Variants in CSMD1 observed in about 807,000 individuals in gnomAD.
CSMD1 encodes the protein CUB and sushi domain-containing protein 1.
In CSMD1, 213 loss-of-function variants were observed where a neutral mutation model predicts 417.5. The observed-to-expected ratio is 0.51, with a 90% CI of 0.46 to 0.57. The LOEUF (loss-of-function observed/expected upper bound fraction) is 0.57, where lower values mean the gene tolerates loss of function less well. Ranked by LOEUF, CSMD1 falls within the 20% of genes least tolerant of loss-of-function variation. The pLI, the probability that CSMD1 is intolerant of heterozygous loss-of-function variation, is 0.00. For synonymous variants in CSMD1, 2,862 were observed against 1,736.8 expected (o/e 1.65, Z -16.11); for missense variants, 6,923 against 4,529.7 (o/e 1.53, Z -15.17).
intron 3 of CSMD1, among the ~76,000 whole-genome samples, chr8:4,343,015 T>G (rs1056831771): frequency 3.3e-5 from 5 of 152,120 alleles, no homozygotes; most frequent in Admixed American, 6.6e-5. Flanking sequence ...TGCACCTGAC[T>G]TGTGCCTCCT....
At chr8:3,024,076 G>C (rs1280354422) in intron 51 of CSMD1, among the ~76,000 whole-genome samples, 1 of 151,930 alleles carries the variant, frequency 6.6e-6, no homozygotes, top group Non-Finnish European at 1.5e-5. Context: ...AATTTCCTGG[G>C]GTTTATCACA....
chr8:4,968,508 A>C (rs1810024542), intron 1 of CSMD1, among the ~76,000 whole-genome samples: 1 of 152,138 alleles, frequency 6.6e-6, no homozygotes, highest in Non-Finnish European at 1.5e-5. Flanking sequence ...AAAATGCAAA[A>C]ACTAATTTCC....
At chr8:3,667,631 T>C (rs1200486162) in intron 7 of CSMD1, among the ~76,000 whole-genome samples, 1 of 152,160 alleles carries the variant, frequency 6.6e-6, no homozygotes, top group Admixed American at 6.5e-5. Flanking sequence ...CCTCCTTATT[T>C]GGGTTGCTCT....
Position 2,974,656 on chromosome 8 carries a change from T to C in CSMD1, c.8567-32A>G. On this transcript the variant is annotated intron_variant, in intron 55 of 69. Coordinates refer to ENST00000635120, the MANE Select transcript of CSMD1 (RefSeq NM_033225.6). The stretch of plus-strand genomic sequence containing the variant: ...AAAAAAGATAAAACAATTGAGTACA[T>C]CCTTCCAGTTAAACCACTTTGTATT... 6.0e-6 allele frequency: 9 copies of C among 1,498,178 alleles called. No homozygotes were observed. The African/African-American group carries it at 1.1e-4, about 18-fold the overall frequency. 92.8% of individuals were successfully genotyped at this position (1,498,178 alleles called of 1,614,324 possible).
At chr8:4,270,161 G>GA (rs1804494882) in intron 3 of CSMD1, among the ~76,000 whole-genome samples, 1 of 152,218 alleles carries the variant, frequency 6.6e-6, no homozygotes, top group Admixed American at 6.5e-5. Context: ...CGAGAGACTT[G>GA]AAGGAGGCAA....
chr8:4,499,047 C>G (rs1014333), intron 2 of CSMD1, among the ~76,000 whole-genome samples: 1 of 151,966 alleles, frequency 6.6e-6, no homozygotes, highest in East Asian at 1.9e-4. Flanking sequence ...GTACAGATCT[C>G]TTAAGAATAC....
rs186620110 is a variant in CSMD1 at position 4,268,478 on chromosome 8, G to A, written c.415+151475C>T. On this transcript the variant is annotated intron_variant, in intron 3 of 69. Coordinates refer to ENST00000635120, the MANE Select transcript of CSMD1 (RefSeq NM_033225.6). ...ACTGAAAGGTAGTATCGCTGCTTACGTTTCTAAGTATTTTGTAGTATTTAG... is the reference window on the plus strand; with the variant it reads ...ACTGAAAGGTAGTATCGCTGCTTACATTTCTAAGTATTTTGTAGTATTTAG... 1.5e-3 allele frequency among the ~76,000 whole-genome samples: 233 copies of A among 152,216 alleles called. 1 individual carries two copies. Among genetic ancestry groups the A allele is most frequent in the African/African-American group, 5.1e-3 (212 of 41,564 alleles).
At chr8:4,578,790 G>T (rs1438692693) in intron 2 of CSMD1, among the ~76,000 whole-genome samples, 1 of 146,460 alleles carries the variant, frequency 6.8e-6, no homozygotes, top group Non-Finnish European at 1.5e-5. Context: ...CTCTAGCCTG[G>T]GTGACAGAGA....
intron 18 of CSMD1, among the ~76,000 whole-genome samples, chr8:3,375,970 T>G (rs1369371208): frequency 1.3e-5 from 2 of 152,176 alleles, no homozygotes; most frequent in Admixed American, 1.3e-4. Flanking sequence ...GCCTCCAAGC[T>G]TTCGATATCC....
chr8:4,305,877 TG>T (rs1798214955), intron 3 of CSMD1, among the ~76,000 whole-genome samples: 1 of 152,154 alleles, frequency 6.6e-6, no homozygotes, highest in African/African-American at 2.4e-5. Context: ...TGCTTACGTG[TG>T]TATATGCAAT....
intron 7 of CSMD1, among the ~76,000 whole-genome samples, chr8:3,632,818 T>C (rs906269761): frequency 1.3e-5 from 2 of 152,332 alleles, no homozygotes; most frequent in South Asian, 2.1e-4. Context: ...AAGACATCTG[T>C]GTCTATTGGT....
chr8:3,933,943 G>T (rs1188174236), intron 5 of CSMD1, among the ~76,000 whole-genome samples: 1 of 152,186 alleles, frequency 6.6e-6, no homozygotes, highest in Admixed American at 6.5e-5. Flanking sequence ...AAACCAGCCA[G>T]GGACCTAGGC....
At chr8:3,583,965 T>C (rs184463214) in intron 9 of CSMD1, among the ~76,000 whole-genome samples, 2 of 151,948 alleles carry the variant, frequency 1.3e-5, no homozygotes, top group Admixed American at 6.6e-5. Flanking sequence ...CTCAAAAATA[T>C]GTGAGAGCAT....
At chr8:4,566,167 AATG>A (rs1361011028) in intron 2 of CSMD1, among the ~76,000 whole-genome samples, 1 of 152,148 alleles carries the variant, frequency 6.6e-6, no homozygotes, top group Non-Finnish European at 1.5e-5. Context: ...ATCAGCACTG[AATG>A]ATGAGATTGA....
At chr8:3,631,855 T>G (rs545596617) in intron 7 of CSMD1, among the ~76,000 whole-genome samples, 42 of 152,252 alleles carry the variant, frequency 2.8e-4, no homozygotes, top group Non-Finnish European at 5.4e-4. Context: ...CTTTAAAACG[T>G]GAATTCCCCC....
intron 3 of CSMD1, among the ~76,000 whole-genome samples, chr8:4,262,263 C>T (rs28743161): frequency 0.033 from 5,034 of 152,174 alleles, 265 homozygotes; most frequent in African/African-American, 0.11. Context: ...GTGGAGGATG[C>T]CCTCCCTCTG....
chr8:3,767,518 T>G (rs1475444919), intron 5 of CSMD1, among the ~76,000 whole-genome samples: 1 of 152,194 alleles, frequency 6.6e-6, no homozygotes, highest in Non-Finnish European at 1.5e-5. Context: ...AGGCTTAGAT[T>G]ATGCTCTGAT....
chr8:4,546,343 G>A (rs1447875467), intron 2 of CSMD1, among the ~76,000 whole-genome samples: 3 of 152,094 alleles, frequency 2.0e-5, no homozygotes, highest in African/African-American at 4.8e-5. Context: ...TGGGGTAAGG[G>A]TTGCCCAGAT....
At chr8:4,056,985 G>T (rs1194010873) in intron 3 of CSMD1, among the ~76,000 whole-genome samples, 4 of 152,162 alleles carry the variant, frequency 2.6e-5, no homozygotes, top group Non-Finnish European at 5.9e-5. Flanking sequence ...GAATACTGCT[G>T]CAATAAACAT....
Sources: allele counts gnomAD v4.1 joint callset (sites outside exome capture counted in the v4.1 genomes callset), GRCh38; gene constraint gnomAD v4.1.1; transcripts MANE v1.5; gene names NCBI Gene and HGNC (gene_info 2026-07-23, HGNC 2026-07-21).